Variants in ADGRD1 observed in about 807,000 individuals in gnomAD.
The protein encoded by ADGRD1 is adhesion G protein-coupled receptor D1.
Under a neutral mutation model 113.4 loss-of-function variants are expected in ADGRD1, and 77 were observed. That is an observed-to-expected ratio of 0.68 (90% CI 0.57 to 0.82). ADGRD1 has a LOEUF of 0.82. ADGRD1 is among the 40% of genes least tolerant of loss of function. The probability of loss-of-function intolerance (pLI) is 0.00; values close to 1 mark genes in which losing one functional copy is unlikely to be tolerated. For missense variants in ADGRD1, 1,036 were observed against 1,139.1 expected (o/e 0.91, Z 1.30); for synonymous variants, 474 against 475.0 (o/e 1.00, Z 0.03).
chr12:131,073,952 G>A (rs776644412), intron 13 of ADGRD1, among the ~76,000 whole-genome samples: 35 of 152,104 alleles, frequency 2.3e-4, no homozygotes, highest in African/African-American at 5.1e-4. Context: ...ACACTGCTGC[G>A]TTGGGAATTA....
chr12:131,089,265 A>C (rs10848278), intron 15 of ADGRD1, among the ~76,000 whole-genome samples: 12,598 of 152,278 alleles, frequency 0.083, 653 homozygotes, highest in Middle Eastern at 0.13. Flanking sequence ...GAGACAAAAG[A>C]AATAGACCAT....
chr12:131,018,439 C>T (rs577130219), intron 13 of ADGRD1, among the ~76,000 whole-genome samples: 4 of 149,496 alleles, frequency 2.7e-5, no homozygotes, highest in East Asian at 2.0e-4. Context: ...GGTTCATCCC[C>T]GCGGTTTCCC....
At chr12:131,137,709 C>T (rs1008038443) in intron 23 of ADGRD1, 1 of 257,882 alleles carries the variant, frequency 3.9e-6, no homozygotes, top group Non-Finnish European at 7.7e-6. Context: ...AGAAGGGCTG[C>T]ATGATCACAA....
At chr12:131,048,033 G>T (rs570352500) in intron 13 of ADGRD1, among the ~76,000 whole-genome samples, 1 of 152,346 alleles carries the variant, frequency 6.6e-6, no homozygotes, top group Admixed American at 6.5e-5. Flanking sequence ...TCCCCTGAAG[G>T]GGGTTGGGGG....
intron 14 of ADGRD1, among the ~76,000 whole-genome samples, chr12:131,078,252 GT>G (rs1358578272): frequency 5.9e-5 from 9 of 152,228 alleles, no homozygotes; most frequent in African/African-American, 2.2e-4. Flanking sequence ...TCTCTGTTCT[GT>G]GAACAGCGAG....
chr12:131,037,430 C>A (rs1416845520), intron 13 of ADGRD1, among the ~76,000 whole-genome samples: 1 of 144,548 alleles, frequency 6.9e-6, no homozygotes, highest in Admixed American at 6.9e-5. Flanking sequence ...GGTCTCACTG[C>A]ACCAGGATCT....
intron 13 of ADGRD1, among the ~76,000 whole-genome samples, chr12:131,046,675 C>G (rs1292860029): frequency 1.1e-4 from 15 of 130,672 alleles, no homozygotes; most frequent in African/African-American, 4.0e-4. Flanking sequence ...CCTCCCTGGT[C>G]AGTGCCCCCT....
At chr12:131,002,653 A>C in intron 9 of ADGRD1, 1 of 1,130,316 alleles carries the variant, frequency 8.8e-7, no homozygotes, top group Non-Finnish European at 1.1e-6. Flanking sequence ...TCTGGAACTC[A>C]GAAAGGAAAG....
chr12:131,045,532 C>T (rs1300482523), intron 13 of ADGRD1, among the ~76,000 whole-genome samples: 3 of 151,998 alleles, frequency 2.0e-5, no homozygotes, highest in African/African-American at 7.2e-5. Flanking sequence ...CCTCCCTGCC[C>T]GGGCACATCC....
chr12:130,978,571 A>G (rs1593285562), intron 4 of ADGRD1: 1 of 152,156 alleles, frequency 6.6e-6, no homozygotes, highest in African/African-American at 2.4e-5. Context: ...CTCTATGAAG[A>G]CGTGAATTGA....
chr12:130,974,018 C>T (rs533880699), intron 4 of ADGRD1, among the ~76,000 whole-genome samples: 32 of 152,310 alleles, frequency 2.1e-4, no homozygotes, highest in Non-Finnish European at 3.7e-4. Flanking sequence ...CTGATGCAGA[C>T]GCAGAGGGTA....
chr12:131,005,205 C>T (rs1326097534), intron 11 of ADGRD1, among the ~76,000 whole-genome samples: 1 of 152,134 alleles, frequency 6.6e-6, no homozygotes, highest in Admixed American at 6.5e-5. Context: ...GTGCCCTGCT[C>T]CTAGGGCAGA....
At chr12:131,132,046 C>T (rs183165616) in intron 21 of ADGRD1, among the ~76,000 whole-genome samples, 145 of 152,260 alleles carry the variant, frequency 9.5e-4, no homozygotes, top group African/African-American at 3.3e-3. Flanking sequence ...TGTAGAAGAA[C>T]GGAGTCTACG....
chr12:131,056,421 C>T (rs1883867019), intron 13 of ADGRD1, among the ~76,000 whole-genome samples: 1 of 152,170 alleles, frequency 6.6e-6, no homozygotes, highest in Non-Finnish European at 1.5e-5. Flanking sequence ...ACACTGGGGC[C>T]CTGACTCTGT....
rs1876600949 is a variant in ADGRD1, at chr12:131,003,131, GC to G, written c.1027-51del. 4 of 1,386,870 alleles carry G rather than the reference GC, an allele frequency of 2.9e-6. No homozygotes were observed. The highest frequency in any genetic ancestry group is 4.1e-6 in the Non-Finnish European group (4 of 973,614). 85.9% of individuals were successfully genotyped at this position (1,386,870 alleles called of 1,614,324 possible). A position where few individuals can be genotyped will look rare whatever the true frequency, so the allele number is the denominator to read the frequency against. On this transcript the variant is annotated intron_variant, in intron 9 of 24. Transcript: ENST00000261654. This position sits in a 1 kb window ranked among gnomAD's most constrained non-coding sequence, Gnocchi z 4.8. ...TGTGTGCCTGGTGCACCTGCCTGGT[GC>G]CCTGGCTGAGTGGGGTGGATTTTCA... is the stretch of plus-strand genomic sequence containing the variant.
At chr12:131,044,668 C>T (rs1487455129) in intron 13 of ADGRD1, among the ~76,000 whole-genome samples, 1 of 152,220 alleles carries the variant, frequency 6.6e-6, no homozygotes, top group Non-Finnish European at 1.5e-5. Context: ...CTCCCTCCCA[C>T]GGCTGTCCTT....
intron 8 of ADGRD1, among the ~76,000 whole-genome samples, chr12:130,992,901 G>A (rs1347864937): frequency 6.6e-6 from 1 of 152,192 alleles, no homozygotes; most frequent in Admixed American, 6.5e-5. Context: ...AAGGCAGAGG[G>A]TGGATCGTGG....
intron 4 of ADGRD1, among the ~76,000 whole-genome samples, chr12:130,974,224 A>C (rs1872042650): frequency 6.6e-6 from 1 of 152,190 alleles, no homozygotes; most frequent in African/African-American, 2.4e-5. Context: ...AACAGGGAAG[A>C]CCTGCCCAGC....
chr12:131,002,687 G>A, intron 9 of ADGRD1: 1 of 1,184,606 alleles, frequency 8.4e-7, no homozygotes, highest in Non-Finnish European at 1.1e-6. Flanking sequence ...TAGAAGGCAA[G>A]CTCCTGGGAA....
Sources: gnomAD v4.1 joint callset for allele counts (sites outside exome capture counted in the v4.1 genomes callset) on GRCh38, gnomAD v4.1.1 for gene constraint, Gnocchi (gnomAD v3.1) non-coding constraint, MANE v1.5 for transcripts, NCBI Gene and HGNC (gene_info 2026-07-23, HGNC 2026-07-21) for gene names.